BOD1L1: variants seen among roughly 807,000 people sequenced by gnomAD.
BOD1L1 encodes the protein biorientation of chromosomes in cell division 1 like 1, also known as biorientation of chromosomes in cell division protein 1-like 1.
Under a neutral mutation model 240.7 loss-of-function variants are expected in BOD1L1, and 86 were observed. That is an observed-to-expected ratio of 0.36 (90% CI 0.30 to 0.43). The LOEUF (loss-of-function observed/expected upper bound fraction) is 0.43. Among genes scored for constraint, BOD1L1 ranks in the 20% least tolerant of loss-of-function variants. BOD1L1 has a pLI of 1.00. For synonymous variants in BOD1L1, 1,268 were observed against 1,272.3 expected (o/e 1.00, Z 0.07); for missense variants, 3,554 against 3,643.5 (o/e 0.98, Z 0.63).
At chr4:13,596,036 T>A in intron 11 of BOD1L1, 92 bp from the exon 12 acceptor site, 1 of 1,008,208 alleles carries the variant, frequency 9.9e-7, no homozygotes, top group South Asian at 1.5e-5. Flanking sequence ...AAACCCAGCA[T>A]CCTGAAACAA....
At chr4:13,596,960 C>G in intron 11 of BOD1L1, 144 bp downstream of exon 11, 6 of 627,220 alleles carry the variant, frequency 9.6e-6, no homozygotes, top group South Asian at 2.4e-5. Context: ...GCTTTCCCCC[C>G]ACAGGATATG....
chr4:13,573,470 A>ATCTATCTATCTATCTATCTT (rs71169517), intron 25 of BOD1L1, among the ~76,000 whole-genome samples: 16,977 of 122,150 alleles, frequency 0.14, 1,272 homozygotes, highest in East Asian at 0.21. Context: ...CTATCTATCT[A>ATCTATCTATCTATCTATCTT]TCTTTCTTTC....
intron 8 of BOD1L1, 36 bp downstream of exon 8, chr4:13,608,494 T>C: frequency 6.9e-7 from 1 of 1,454,426 alleles, no homozygotes; most frequent in Non-Finnish European, 9.1e-7. Flanking sequence ...CCCAGGGGAG[T>C]GTTATAAGGG....
intron 13 of BOD1L1, among the ~76,000 whole-genome samples, chr4:13,591,172 T>C (rs911440033): frequency 1.3e-5 from 2 of 152,186 alleles, no homozygotes; most frequent in Non-Finnish European, 2.9e-5. Flanking sequence ...CCTCAGTAGC[T>C]GGGACTATAG....
At chr4:13,583,860 A>G (rs899108672) in intron 17 of BOD1L1, among the ~76,000 whole-genome samples, 2 of 152,208 alleles carry the variant, frequency 1.3e-5, no homozygotes, top group Non-Finnish European at 2.9e-5. Flanking sequence ...AAATTCATTT[A>G]GTTGAGCATC....
At position 13,614,455 on chromosome 4, in the gene BOD1L1, C is replaced by T. The variant is rs1471018174; in HGVS notation, c.915G>A (p.Lys305=). The T allele has an allele frequency of 6.2e-7, 1 of 1,612,364 alleles. No homozygotes were observed. Among genetic ancestry groups the T allele is most frequent in the East Asian group, 2.2e-5 (1 of 44,862 alleles). The change falls in exon 4 of 26, where the codon AAG becomes AAA. Residue 305 remains lysine (K), a synonymous_variant. Coordinates refer to ENST00000040738, the MANE Select transcript of BOD1L1 (RefSeq NM_148894.3). ...KEHNNLILLN[K]DVQQESSEQK... ...GCTCACTGCTTTCCTGTTGAACATC[C>T]TTATTTAGCAGAATTAAATTATTAT...
intron 11 of BOD1L1, 42 bp downstream of exon 11, chr4:13,597,062 T>A: frequency 6.8e-7 from 1 of 1,465,370 alleles, no homozygotes. Context: ...GAAACAGTAT[T>A]TAATCACTTA....
chr4:13,574,131 G>A (rs1049732216), intron 25 of BOD1L1, among the ~76,000 whole-genome samples: 2 of 152,178 alleles, frequency 1.3e-5, no homozygotes, highest in Non-Finnish European at 2.9e-5. Context: ...CTAGAATCAA[G>A]AGTAGAAGCC....
At chr4:13,578,706 C>G (rs1012699551) in intron 22 of BOD1L1, among the ~76,000 whole-genome samples, 1 of 152,130 alleles carries the variant, frequency 6.6e-6, no homozygotes, top group Non-Finnish European at 1.5e-5. Flanking sequence ...AGCCACCACA[C>G]CTGGCTAATA....
intron 2 of BOD1L1, among the ~76,000 whole-genome samples, chr4:13,616,443 G>A (rs1156730780): frequency 6.6e-6 from 1 of 152,186 alleles, no homozygotes; most frequent in Non-Finnish European, 1.5e-5. Flanking sequence ...GAGCGATGAG[G>A]ACAACAATCT....
In BOD1L1 at chr4:13,599,991, T is replaced by A; in HGVS notation, c.6909A>T (p.Ala2303=). Residue 2303 remains alanine (A), a synonymous_variant, in exon 10 of 26, where the codon GCA becomes GCT. Coordinates refer to ENST00000040738, the MANE Select transcript of BOD1L1 (RefSeq NM_148894.3). ...CCTGGAGGACAGCACCAATCATGAC[T>A]GCTTCACACCCTTCAGAGGTGCTTG... ...ISTSTSEGCE[A]VMIGAVLQDE... 1 of 1,610,968 alleles carries A rather than the reference T, an allele frequency of 6.2e-7. No homozygotes were observed. Among genetic ancestry groups the A allele is most frequent in the Non-Finnish European group, 8.5e-7 (1 of 1,178,432 alleles).
At chr4:13,572,138 G>C (rs1446978669) in intron 25 of BOD1L1, among the ~76,000 whole-genome samples, 3 of 152,212 alleles carry the variant, frequency 2.0e-5, no homozygotes, top group African/African-American at 7.2e-5. Context: ...CAAGTGCCCA[G>C]TACTGACCAG....
intron 5 of BOD1L1, among the ~76,000 whole-genome samples, 199 bp from the exon 6 acceptor site, chr4:13,611,299 A>T (rs1716153173): frequency 6.6e-6 from 1 of 152,216 alleles, no homozygotes; most frequent in Non-Finnish European, 1.5e-5. Context: ...TAAATAAGAC[A>T]AAGAAAAATT....
intron 1 of BOD1L1, among the ~76,000 whole-genome samples, chr4:13,621,751 G>C (rs1320067630): frequency 6.6e-6 from 1 of 151,964 alleles, no homozygotes; most frequent in Non-Finnish European, 1.5e-5. Context: ...TCCCTCTGAT[G>C]CCCTTTCATC....
chr4:13,584,157 C>A (rs1713454849), intron 17 of BOD1L1, among the ~76,000 whole-genome samples: 1 of 152,206 alleles, frequency 6.6e-6, no homozygotes, highest in Non-Finnish European at 1.5e-5. Flanking sequence ...TCTACCATTT[C>A]TTCTCACATT....
chr4:13,588,171 G>A (rs1713869881), intron 15 of BOD1L1, among the ~76,000 whole-genome samples: 1 of 149,518 alleles, frequency 6.7e-6, no homozygotes, highest in Admixed American at 6.7e-5. Flanking sequence ...CCGTGCAACA[G>A]GGGGAGACTG....
At chr4:13,626,469 T>C (rs1717402986) in intron 1 of BOD1L1, among the ~76,000 whole-genome samples, 1 of 152,192 alleles carries the variant, frequency 6.6e-6, no homozygotes, top group Non-Finnish European at 1.5e-5. Flanking sequence ...TTCTAGACTG[T>C]ACTGTGGTTT....
chr4:13,596,057 T>G (rs985994040), intron 11 of BOD1L1, 113 bp from the exon 12 acceptor site: 3 of 821,548 alleles, frequency 3.7e-6, no homozygotes, highest in Non-Finnish European at 5.8e-6. Context: ...TATAAAAGCC[T>G]ATTTTCAAGA....
At position 13,613,667 on chromosome 4, in the gene BOD1L1, A is replaced by T; in HGVS notation, c.1175-6T>A. The T allele has an allele frequency of 4.6e-6, 7 of 1,522,162 alleles. No homozygotes were observed. The highest frequency in any genetic ancestry group is 5.3e-6 in the Non-Finnish European group (6 of 1,126,050). The allele number at this position is 1,522,162 out of a possible 1,614,324, so 94.3% of individuals were successfully genotyped here. ...AGAATCTATCAAAGAGAAATCTTCA[A>T]GCGGAAAATAAAACACAGAAAAAAA... On this transcript the variant is annotated splice_region_variant and splice_polypyrimidine_tract_variant and intron_variant, in intron 4 of 25. Coordinates refer to ENST00000040738, the MANE Select transcript of BOD1L1 (RefSeq NM_148894.3). This position sits in a 1 kb window ranked among gnomAD's most constrained non-coding sequence, Gnocchi z 4.0.
Sources: allele counts gnomAD v4.1 joint callset (sites outside exome capture counted in the v4.1 genomes callset), GRCh38; gene constraint gnomAD v4.1.1; non-coding constraint Gnocchi (gnomAD v3.1); transcripts MANE v1.5; gene names NCBI Gene and HGNC (gene_info 2026-07-23, HGNC 2026-07-21).